Variants in LRRTM4 observed in about 807,000 individuals in gnomAD.
LRRTM4 encodes the protein leucine rich repeat transmembrane neuronal 4.
A neutral mutation model predicts 47.6 loss-of-function variants in LRRTM4; 25 were observed. The observed-to-expected ratio is 0.53, with a 90% CI of 0.38 to 0.73. LRRTM4 has a LOEUF of 0.73. Ranked by LOEUF, LRRTM4 falls within the 30% of genes least tolerant of loss-of-function variation. LRRTM4 has a pLI of 0.00. For missense variants in LRRTM4, 638 were observed against 713.4 expected, an observed-to-expected ratio of 0.89 and a Z score of 1.20; for synonymous variants, 311 against 269.5, an observed-to-expected ratio of 1.15 and a Z score of -1.51.
At chr2:77,197,274 G>C (rs1290259017) in intron 3 of LRRTM4, among the ~76,000 whole-genome samples, 1 of 152,090 alleles carries the variant, frequency 6.6e-6, no homozygotes, top group African/African-American at 2.4e-5. Flanking sequence ...AATTATTTTT[G>C]TGAATATTGA....
chr2:77,271,226 C>T (rs1676182557), intron 3 of LRRTM4, among the ~76,000 whole-genome samples: 2 of 152,166 alleles, frequency 1.3e-5, no homozygotes, highest in African/African-American at 4.8e-5. Context: ...TATGGGTACC[C>T]AGAAAAGGCT....
chr2:76,976,276 T>C (rs74650624), intron 3 of LRRTM4, among the ~76,000 whole-genome samples: 3,511 of 151,800 alleles, frequency 0.023, 84 homozygotes, highest in East Asian at 0.083. Flanking sequence ...TCTAAAATAA[T>C]AGTATCAAGA....
chr2:76,968,988 C>T (rs1159166121), intron 3 of LRRTM4, among the ~76,000 whole-genome samples: 1 of 151,882 alleles, frequency 6.6e-6, no homozygotes, highest in East Asian at 1.9e-4. Context: ...AATAAAGAGA[C>T]CGCTGCCTTT....
intron 3 of LRRTM4, among the ~76,000 whole-genome samples, chr2:77,041,842 T>A (rs1262176668): frequency 6.7e-6 from 1 of 149,936 alleles, no homozygotes; most frequent in Non-Finnish European, 1.5e-5. Context: ...AAAACCGCAA[T>A]GACTTTTGCA....
intron 3 of LRRTM4, among the ~76,000 whole-genome samples, chr2:76,831,546 C>T (rs929206410): frequency 1.3e-5 from 2 of 152,006 alleles, no homozygotes; most frequent in Non-Finnish European, 2.9e-5. Context: ...TTCCAAACAC[C>T]CAACCATCAG....
rs181377904 is a variant in LRRTM4, at chr2:77,322,168, T to C, written c.1551+196150A>G. On this transcript the variant is annotated intron_variant, in intron 3 of 3. Coordinates refer to ENST00000409884, the MANE Select transcript of LRRTM4 (RefSeq NM_001134745.3). Reference sequence around the variant, plus strand: ...AGTTCTTTGTTTCCAAAGCACTGTTTCTCAGCATTGTGAAGAAGGTTTGCA... The same window carrying C: ...AGTTCTTTGTTTCCAAAGCACTGTTCCTCAGCATTGTGAAGAAGGTTTGCA... 2.0e-5 allele frequency among the ~76,000 whole-genome samples: 3 copies of C among 152,278 alleles called. No homozygotes were observed. The East Asian group carries it at 5.8e-4, about 29-fold the overall frequency.
intron 3 of LRRTM4, among the ~76,000 whole-genome samples, chr2:77,178,656 ATTC>A (rs1464351314): frequency 6.6e-6 from 1 of 152,160 alleles, no homozygotes; most frequent in Non-Finnish European, 1.5e-5. Flanking sequence ...TATTTCATAT[ATTC>A]TTTTAATGTG....
chr2:77,500,420 G>A (rs1270185101), intron 3 of LRRTM4, among the ~76,000 whole-genome samples: 3 of 150,548 alleles, frequency 2.0e-5, no homozygotes, highest in African/African-American at 7.3e-5. Flanking sequence ...GTTGTAATAA[G>A]TGCATTAAAC....
At chr2:77,317,998 C>G (rs921063756) in intron 3 of LRRTM4, among the ~76,000 whole-genome samples, 1 of 139,324 alleles carries the variant, frequency 7.2e-6, no homozygotes, top group African/African-American at 2.7e-5. Flanking sequence ...AAATTCCTAA[C>G]ACTTTTTTTT....
intron 3 of LRRTM4, among the ~76,000 whole-genome samples, chr2:77,224,975 C>T (rs1450781353): frequency 6.6e-6 from 1 of 151,924 alleles, no homozygotes; most frequent in Non-Finnish European, 1.5e-5. Flanking sequence ...AAATGTCCAA[C>T]AATGATAGAC....
intron 3 of LRRTM4, among the ~76,000 whole-genome samples, chr2:76,811,959 GT>G (rs1327886970): frequency 6.6e-5 from 10 of 152,104 alleles, no homozygotes; most frequent in African/African-American, 2.4e-4. Flanking sequence ...CTTTTCTTAT[GT>G]TAAGCCCCTT....
At chr2:76,931,039 A>T (rs977816822) in intron 3 of LRRTM4, among the ~76,000 whole-genome samples, 2 of 152,062 alleles carry the variant, frequency 1.3e-5, no homozygotes, top group Non-Finnish European at 1.5e-5. Context: ...GGTATTTTAC[A>T]TTTGTTTAAA....
intron 3 of LRRTM4, among the ~76,000 whole-genome samples, chr2:77,447,224 C>T (rs1676085989): frequency 6.7e-6 from 1 of 148,244 alleles, no homozygotes; most frequent in Non-Finnish European, 1.5e-5. Context: ...TTTGAAAATG[C>T]AAATTTTTCC....
At chr2:77,244,593 C>T (rs1244605820) in intron 3 of LRRTM4, among the ~76,000 whole-genome samples, 1 of 152,044 alleles carries the variant, frequency 6.6e-6, no homozygotes, top group Non-Finnish European at 1.5e-5. Flanking sequence ...CCTCCACCCC[C>T]TCCTGATACT....
At chr2:76,800,584 A>G (rs1262036361) in intron 3 of LRRTM4, among the ~76,000 whole-genome samples, 3 of 143,956 alleles carry the variant, frequency 2.1e-5, no homozygotes, top group Non-Finnish European at 3.0e-5. Context: ...AATGGCAACA[A>G]AAGCCAAAAT....
At chr2:77,052,675 T>C (rs1412326672) in intron 3 of LRRTM4, among the ~76,000 whole-genome samples, 1 of 152,026 alleles carries the variant, frequency 6.6e-6, no homozygotes, top group Non-Finnish European at 1.5e-5. Flanking sequence ...TTTATAAGCA[T>C]TGCTTTTCTT....
At chr2:76,943,624 T>G (rs1675226581) in intron 3 of LRRTM4, among the ~76,000 whole-genome samples, 1 of 152,136 alleles carries the variant, frequency 6.6e-6, no homozygotes, top group Non-Finnish European at 1.5e-5. Flanking sequence ...CCTACCACAT[T>G]TGTGAGCTTC....
At chr2:77,438,489 C>T (rs1043871897) in intron 3 of LRRTM4, among the ~76,000 whole-genome samples, 2 of 148,118 alleles carry the variant, frequency 1.4e-5, no homozygotes, top group Non-Finnish European at 3.0e-5. Context: ...TCACTGCGCG[C>T]TCCGCCTCCC....
intron 3 of LRRTM4, among the ~76,000 whole-genome samples, chr2:77,060,402 A>G (rs1305705946): frequency 6.6e-6 from 1 of 152,082 alleles, no homozygotes; most frequent in Non-Finnish European, 1.5e-5. Context: ...ATGTCCTCAG[A>G]AAAAAATAGA....
Sources: allele counts gnomAD v4.1 joint callset (sites outside exome capture counted in the v4.1 genomes callset), GRCh38; gene constraint gnomAD v4.1.1; transcripts MANE v1.5; gene names NCBI Gene and HGNC (gene_info 2026-07-23, HGNC 2026-07-21).